The following TTN variants were observed in gnomAD, a reference collection of about 807,000 sequenced individuals.
TTN encodes titin.
In TTN, 1,525 loss-of-function variants were observed where a neutral mutation model predicts 3,223.0. That is an observed-to-expected ratio of 0.47 (90% CI 0.45 to 0.49). The LOEUF is 0.49. TTN is among the 20% of genes least tolerant of loss of function. The pLI is 0.00. For missense variants in TTN, 40,786 were observed against 43,424.0 expected (o/e 0.94, Z 5.40); for synonymous variants, 14,094 against 15,161.0 (o/e 0.93, Z 5.17).
At position 178,613,157 on chromosome 2, in the gene TTN, A is replaced by G; in HGVS notation, c.49648+4T>C. On this transcript the variant is annotated splice_donor_region_variant and intron_variant, in intron 264 of 362. Coordinates refer to ENST00000589042, the MANE Select transcript of TTN (RefSeq NM_001267550.2). ...AATAACCACAAAAATTATATAAATAATACCTATGGGATCCTTTATTAAGAT... is the reference window on the plus strand; with the variant it reads ...AATAACCACAAAAATTATATAAATAGTACCTATGGGATCCTTTATTAAGAT... 6.2e-7 allele frequency: 1 copy of G among 1,608,486 alleles called. No individual in the cohort carries two copies. The highest frequency in any genetic ancestry group is 2.2e-5 in the East Asian group (1 of 44,506).
At position 178,775,827 on chromosome 2, in the gene TTN, T is replaced by C. The variant is rs762560006; in HGVS notation, c.6037A>G (p.Ile2013Val). The C allele has an allele frequency of 6.2e-7, 1 of 1,614,028 alleles. No homozygotes were observed. The highest frequency in any genetic ancestry group is 1.3e-5 in the African/African-American group (1 of 75,010). Residue 2013 changes from isoleucine (I) to valine (V), a missense_variant, in exon 28 of 363, where the codon ATT becomes GTT. Physicochemically the swap from Ile to Val is conservative, Grantham distance 29. Transcript: ENST00000589042. ...CGAGACTTGAGCTCCACAGCGGTAA[T>C]GGCTTCATAATAGCCCTCTTCTGTT... ...RRTEEGYYEA[I>V]TAVELKSRKK... is the part of the protein sequence containing the mutation.
At chr2:178,535,922 T>TC in intron 357 of TTN, 60 bp downstream of exon 357, 1 of 1,507,740 alleles carries the variant, frequency 6.6e-7, no homozygotes. Context: ...TGCAATAGCC[T>TC]CCACCCCCAA....
At position 178,588,204 on chromosome 2, in the gene TTN, G is replaced by C; in HGVS notation, c.63203C>G (p.Pro21068Arg). 2 of 1,571,218 alleles carry C rather than the reference G, an allele frequency of 1.3e-6. No homozygotes were observed. Among genetic ancestry groups the C allele is most frequent in the Non-Finnish European group, 1.7e-6 (2 of 1,154,786 alleles). The stretch of plus-strand genomic sequence containing the variant: ...TGTATCAACCACTCTGAAATTGGTT[G>C]GTGGACCAGGTGGCTCTGAAAGTAA... ...AKDPIEPPGP[P>R]TNFRVVDTTK... The change falls in exon 305 of 363, where the codon CCA becomes CGA. Residue 21068 changes from proline (P) to arginine (R), a missense_variant. Physicochemically the swap from Pro to Arg is moderately radical, Grantham distance 103. Transcript: ENST00000589042.
chr2:178,602,538 G>A lies in TTN; in HGVS notation c.54864C>T (p.Ser18288=). 1 of 1,594,478 alleles carries A rather than the reference G, an allele frequency of 6.3e-7. No individual in the cohort carries two copies. Among genetic ancestry groups the A allele is most frequent in the South Asian group, 1.1e-5 (1 of 87,868 alleles). The change falls in exon 283 of 363, where the codon AGC becomes AGT. Residue 18288 remains serine, a synonymous_variant. Coordinates refer to ENST00000589042, the MANE Select transcript of TTN (RefSeq NM_001267550.2). ...CTGGAGGTTTCCATCCTAGTGAGAT[G>A]CTTGACTTCGTTTTATCTTTAACTT... The part of the protein sequence containing the change: ...CPEVKDKTKS[S]ISLGWKPPAK...
chr2:178,684,583 C>T, intron 131 of TTN, 83 bp downstream of exon 131: 1 of 1,455,176 alleles, frequency 6.9e-7, no homozygotes, highest in Non-Finnish European at 9.4e-7. Context: ...AACATATAAA[C>T]AGTATGACCC....
chr2:178,657,931 T>G lies in TTN; in HGVS notation c.37823A>C (p.Lys12608Thr). 8.5e-7 allele frequency: 1 copy of G among 1,178,676 alleles called. No homozygotes were observed. The highest frequency in any genetic ancestry group is 1.1e-6 in the Non-Finnish European group (1 of 896,258). The allele number at this position is 1,178,676 out of a possible 1,614,324, so 73.0% of individuals were successfully genotyped here. ...VPEAQEVVPE[K>T]KVPKAPPTKP... ...TGTGGGAGGAGCCTTAGGAACTTTC[T>G]TTTCTGGGACAACTTCTTGAGCTTC... is the stretch of plus-strand genomic sequence containing the variant. Residue 12608 changes from lysine to threonine, a missense_variant, in exon 187 of 363, where the codon AAG (lysine) becomes ACG (threonine). Physicochemically the swap from Lys to Thr is moderately conservative, Grantham distance 78. Transcript: ENST00000589042.
At position 178,664,468 on chromosome 2, in the gene TTN, G is replaced by C; in HGVS notation, c.36272C>G (p.Pro12091Arg). The C allele has an allele frequency of 4.3e-6, 7 of 1,610,802 alleles. No individual in the cohort carries two copies. Among genetic ancestry groups the C allele is most frequent in the Non-Finnish European group, 5.1e-6 (6 of 1,178,308 alleles). ...GACAGTTAAGAATGTACCTTTGACA[G>C]GTACAACTTCAGCCCTTTGGGGAGG... The part of the protein sequence containing the change: ...VHPPQRAEVV[P>R]VKVHEAPKEI... Residue 12091 changes from proline to arginine, a missense_variant, in exon 168 of 363, where the codon CCT becomes CGT. Coordinates refer to ENST00000589042, the MANE Select transcript of TTN (RefSeq NM_001267550.2).
intron 44 of TTN, 111 bp from the exon 45 acceptor site, chr2:178,758,027 C>A: frequency 8.5e-7 from 1 of 1,182,270 alleles, no homozygotes; most frequent in Non-Finnish European, 1.2e-6. Context: ...AGAATTCAGT[C>A]CACTCCTACT....
In TTN at chr2:178,562,307, T is replaced by G. The variant is rs1703962301; in HGVS notation, c.83825A>C (p.Lys27942Thr). 6.2e-7 allele frequency: 1 copy of G among 1,613,072 alleles called. No homozygotes were observed. The highest frequency in any genetic ancestry group is 8.5e-7 in the Non-Finnish European group (1 of 1,179,620). The change falls in exon 326 of 363, where the codon AAG (lysine) becomes ACG (threonine). Residue 27942 changes from lysine (K) to threonine (T), a missense_variant. Physicochemically the swap from Lys to Thr is moderately conservative, Grantham distance 78. Transcript: ENST00000589042. ...AAGTTGTCTTGGATCACTTCTTCCC[T>G]TTTCGTTAACTGCAGCTACCCTGAA... ...YVFRVAAVNE[K>T]GRSDPRQLGV...
In TTN at chr2:178,538,647, C is replaced by T. The variant is rs760665075; in HGVS notation, c.99182G>A (p.Gly33061Glu). 3 of 1,613,810 alleles carry T rather than the reference C, an allele frequency of 1.9e-6. No individual in the cohort carries two copies. In the Admixed American group the frequency reaches 5.0e-5, roughly 27 times the overall value. ...ERIKDKQFTIGGLLEATEYEF... is the reference protein window; with the variant it reads ...ERIKDKQFTIEGLLEATEYEF... ...ATACTCAGTAGCTTCCAGCAAACCTCCTATTGTGAATTGCTTGTCCTTAAT... is the reference window on the plus strand; with the variant it reads ...ATACTCAGTAGCTTCCAGCAAACCTTCTATTGTGAATTGCTTGTCCTTAAT... The change falls in exon 354 of 363, where the codon GGA becomes GAA. Residue 33061 changes from glycine to glutamate, a missense_variant. By Grantham distance (98) the Gly-to-Glu change is moderately conservative. Coordinates refer to ENST00000589042, the MANE Select transcript of TTN (RefSeq NM_001267550.2).
intron 12 of TTN, 67 bp from the exon 13 acceptor site, chr2:178,789,564 C>T (rs1296291283): frequency 1.9e-6 from 3 of 1,597,900 alleles, no homozygotes; most frequent in Non-Finnish European, 1.7e-6. Context: ...TATGACCCTT[C>T]CCCCTTCCTC....
chr2:178,734,325 A>G lies in TTN; in HGVS notation c.15496+3T>C. The G allele has an allele frequency of 6.3e-7, 1 of 1,578,876 alleles. No homozygotes were observed. Among genetic ancestry groups the G allele is most frequent in the Non-Finnish European group, 8.6e-7 (1 of 1,162,722 alleles). On this transcript the variant is annotated splice_donor_region_variant and intron_variant, in intron 52 of 362. Transcript: ENST00000589042. ...AAGAGACATTAGTTTTTCAAGCACT[A>G]ACCTTTGAGTAAGTGGGTTGCCATG...
chr2:178,682,420 G>T (rs1167871737), intron 135 of TTN, among the ~76,000 whole-genome samples: 1 of 151,892 alleles, frequency 6.6e-6, no homozygotes, highest in East Asian at 1.9e-4. Context: ...AAGAAACTTA[G>T]GGACATTTGC....
Position 178,684,671 on chromosome 2 carries a change from G to A in TTN, c.32633C>T (p.Ala10878Val), listed in dbSNP as rs1478502182. The A allele has an allele frequency of 6.2e-7, 1 of 1,606,528 alleles. No homozygotes were observed. Among genetic ancestry groups the A allele is most frequent in the Non-Finnish European group, 8.5e-7 (1 of 1,177,942 alleles). ...TGCTGGGGAGGTTTGTTTACCTTTG[G>A]CTGGGAGAGGTTCTTCCATCTTAAT... The part of the protein sequence containing the change: ...KVIKMEEPLP[A>V]KVTERHMQIT... Residue 10878 changes from alanine to valine, a missense_variant, in exon 131 of 363, where the codon GCC becomes GTC. Coordinates refer to ENST00000589042, the MANE Select transcript of TTN (RefSeq NM_001267550.2).
rs376573256 is a variant in TTN at position 178,725,925 on chromosome 2, C to A, written c.20397G>T (p.Arg6799=). The change falls in exon 70 of 363, where the codon CGG becomes CGT. Residue 6799 remains arginine (R), a synonymous_variant. Transcript: ENST00000589042. ...PFEVVWYKDK[R]QLRSSKKYKI... ...TGTATTTCTTGCTGCTTCTGAGTTG[C>A]CGCTTGTCTTTGTACCATACCACCT... 3 of 1,612,874 alleles carry A rather than the reference C, an allele frequency of 1.9e-6. No individual in the cohort carries two copies. Among genetic ancestry groups the A allele is most frequent in the Non-Finnish European group, 2.5e-6 (3 of 1,179,412 alleles).
Position 178,576,786 on chromosome 2 carries a change from T to C in TTN, c.69458A>G (p.Lys23153Arg). 1 of 1,613,422 alleles carries C rather than the reference T, an allele frequency of 6.2e-7. No homozygotes were observed. Among genetic ancestry groups the C allele is most frequent in the Non-Finnish European group, 8.5e-7 (1 of 1,179,612 alleles). Residue 23153 changes from lysine to arginine, a missense_variant, in exon 325 of 363, where the codon AAG becomes AGG. Coordinates refer to ENST00000589042, the MANE Select transcript of TTN (RefSeq NM_001267550.2). This position sits in a 1 kb window ranked among gnomAD's most constrained non-coding sequence, Gnocchi z 4.3. ...TTTCCAGCTGACAGTGGCAGTGTTC[T>C]TAGTGACATTTGATACCTCTGGTTT... ...PEKPEVSNVT[K>R]NTATVSWKRP...
In TTN at chr2:178,573,629, A is replaced by G; in HGVS notation, c.72503T>C (p.Leu24168Ser). 1 of 1,501,340 alleles carries G rather than the reference A, an allele frequency of 6.7e-7. No individual in the cohort carries two copies. The highest frequency in any genetic ancestry group is 8.9e-7 in the Non-Finnish European group (1 of 1,127,610). 93.0% of individuals were successfully genotyped at this position (1,501,340 alleles called of 1,614,324 possible). Residue 24168 changes from leucine to serine, a missense_variant, in exon 326 of 363, where the codon TTG becomes TCG. Physicochemically the swap from Leu to Ser is moderately radical, Grantham distance 145. Transcript: ENST00000589042. ...YIVQKRETSR[L>S]AWTNVASEVQ... The stretch of plus-strand genomic sequence containing the variant: ...TTCTGAGGCTACATTTGTCCATGCC[A>G]ATCTGCTGGTTTCACGTTTCTGTAC...
intron 164 of TTN, 94 bp from the exon 165 acceptor site, chr2:178,665,554 AG>A (rs1184787171): frequency 7.0e-7 from 1 of 1,420,020 alleles, no homozygotes; most frequent in Non-Finnish European, 9.8e-7. Context: ...ATGGCTAAAA[AG>A]ATGATTCCTT....
chr2:178,739,243 C>T lies in TTN; in HGVS notation c.13990G>A (p.Asp4664Asn), dbSNP rs767084399. The change falls in exon 48 of 363, where the codon GAC becomes AAC. Residue 4664 changes from aspartate (D) to asparagine (N), a missense_variant. Asp to Asn is a conservative substitution (Grantham distance 23, BLOSUM62 1). Transcript: ENST00000589042. ...TGATGGTCTTCGGTATTTACTTTGT[C>T]GATGACTAGCGTATATGTATTTTGA... Reference protein sequence around the residue: ...QDQNTYTLVIDKVNTEDHQGE... With the variant: ...QDQNTYTLVINKVNTEDHQGE... 10 of 1,593,988 alleles carry T rather than the reference C, an allele frequency of 6.3e-6. No homozygotes were observed. In the East Asian group the frequency reaches 6.8e-5, roughly 11 times the overall value.
Sources: allele counts gnomAD v4.1 joint callset (sites outside exome capture counted in the v4.1 genomes callset), GRCh38; gene constraint gnomAD v4.1.1; non-coding constraint Gnocchi (gnomAD v3.1); transcripts MANE v1.5; gene names NCBI Gene and HGNC (gene_info 2026-07-23, HGNC 2026-07-21).